Variants in MB21D2 observed in about 807,000 individuals in gnomAD.
The protein encoded by MB21D2 is nucleotidyltransferase MB21D2.
In MB21D2, 9 loss-of-function variants were observed where a neutral mutation model predicts 33.3. That is an observed-to-expected ratio of 0.27 (90% CI 0.16 to 0.47). The LOEUF is 0.47. Among genes scored for constraint, MB21D2 ranks in the 20% least tolerant of loss-of-function variants. The probability of loss-of-function intolerance (pLI) is 0.99; values close to 1 mark genes in which losing one functional copy is unlikely to be tolerated. For synonymous variants in MB21D2, 241 were observed against 236.3 expected (o/e 1.02, Z -0.18); for missense variants, 540 against 624.6 (o/e 0.86, Z 1.44).
intron 1 of MB21D2, among the ~76,000 whole-genome samples, chr3:192,847,042 G>A (rs569492305): frequency 3.3e-5 from 5 of 152,278 alleles, no homozygotes; most frequent in East Asian, 1.9e-4. Flanking sequence ...ATCACCATAG[G>A]GAAGCAGAGG....
At position 192,798,605 on chromosome 3, in the gene MB21D2, C is replaced by G. The variant is rs1720573853; in HGVS notation, c.1257G>C (p.Lys419Asn). The change falls in exon 2 of 2, where the codon AAG (lysine) becomes AAC (asparagine). Residue 419 changes from lysine (K) to asparagine (N), a missense_variant. Coordinates refer to ENST00000392452, the MANE Select transcript of MB21D2 (RefSeq NM_178496.4). The surrounding 1 kb of genome is among the most constrained non-coding windows in gnomAD (Gnocchi z 4.8). ...EHLRTAIEHV[K>N]AANRLTLELQ... ...GCTCCAGTGTCAGCCGGTTGGCTGC[C>G]TTGACATGCTCAATGGCGGTGCGCA... 2 of 1,613,972 alleles carry G rather than the reference C, an allele frequency of 1.2e-6. No individual in the cohort carries two copies. The highest frequency in any genetic ancestry group is 1.7e-6 in the Non-Finnish European group (2 of 1,180,034).
chr3:192,912,684 GAAAAAAGA>G (rs1385684769), intron 1 of MB21D2, among the ~76,000 whole-genome samples: 1 of 151,482 alleles, frequency 6.6e-6, no homozygotes, highest in Non-Finnish European at 1.5e-5. Context: ...AAAAAAAAAA[GAAAAAAGA>G]AAAAAAGAAA....
intron 1 of MB21D2, among the ~76,000 whole-genome samples, chr3:192,893,298 T>C (rs979293681): frequency 5.3e-5 from 8 of 152,208 alleles, no homozygotes; most frequent in African/African-American, 1.9e-4. Flanking sequence ...TTCCTTGAAA[T>C]ATAAATCACT....
At chr3:192,861,576 G>T (rs918365297) in intron 1 of MB21D2, among the ~76,000 whole-genome samples, 6 of 152,224 alleles carry the variant, frequency 3.9e-5, no homozygotes, top group Non-Finnish European at 7.3e-5. Context: ...GGAGGCCAAG[G>T]CGGGTGAATC....
At position 192,799,643 on chromosome 3, in the gene MB21D2, C is replaced by T. The variant is rs1243171711; in HGVS notation, c.219G>A (p.Val73=). ...KDFIFSMLGM[V]QKLDQKLPVA... ...CTGGAAGCTTTTGGTCCAGCTTTTG[C>T]ACCATTCCTGGAAATAAAGAAGAAA... The change falls in exon 2 of 2, where the codon GTG becomes GTA. Residue 73 remains valine (V), a synonymous_variant. Coordinates refer to ENST00000392452, the MANE Select transcript of MB21D2 (RefSeq NM_178496.4). This position sits in a 1 kb window ranked among gnomAD's most constrained non-coding sequence, Gnocchi z 4.1. The T allele has an allele frequency of 1.3e-5, 21 of 1,611,186 alleles. No homozygotes were observed. The highest frequency in any genetic ancestry group is 1.7e-5 in the Non-Finnish European group (20 of 1,178,732).
Position 192,901,413 on chromosome 3 carries a change from C to CAAAAA in MB21D2, c.211+16212_211+16216dup, listed in dbSNP as rs71635401. Among the ~76,000 whole-genome samples, 68 of 100,840 alleles carry CAAAAA rather than the reference C, an allele frequency of 6.7e-4. 1 individual carries two copies. Among genetic ancestry groups the CAAAAA allele is most frequent in the African/African-American group, 9.1e-4 (24 of 26,392 alleles). 66.2% of individuals were successfully genotyped at this position (100,840 alleles called of 152,430 possible). A position where few individuals can be genotyped will look rare whatever the true frequency, so the allele number is the denominator to read the frequency against. ...TGAAACCCCGTCTCTACTAAAAATT[C>CAAAAA]AAAAAAAAAAAAAAAAAAAAAGACT... On this transcript the variant is annotated intron_variant, in intron 1 of 1. Transcript: ENST00000392452.
chr3:192,876,086 A>G (rs564633464), intron 1 of MB21D2, among the ~76,000 whole-genome samples: 2 of 152,270 alleles, frequency 1.3e-5, no homozygotes, highest in East Asian at 3.9e-4. Flanking sequence ...CACAGTTCTG[A>G]CACTTTTATG....
At chr3:192,802,279 T>A (rs1268855572) in intron 1 of MB21D2, among the ~76,000 whole-genome samples, 2 of 152,178 alleles carry the variant, frequency 1.3e-5, no homozygotes, top group South Asian at 2.1e-4. Context: ...ATGATGCGCC[T>A]GCAGGGAAGC....
At chr3:192,829,860 G>A (rs913715912) in intron 1 of MB21D2, among the ~76,000 whole-genome samples, 1 of 152,020 alleles carries the variant, frequency 6.6e-6, no homozygotes, top group Non-Finnish European at 1.5e-5. Flanking sequence ...CTGTGTAGCC[G>A]GGACCACAGG....
At chr3:192,804,092 T>A (rs1164640449) in intron 1 of MB21D2, among the ~76,000 whole-genome samples, 1 of 152,186 alleles carries the variant, frequency 6.6e-6, no homozygotes, top group African/African-American at 2.4e-5. Flanking sequence ...CCCTTTTATA[T>A]AGATACTCAG....
rs115890422 is a variant in MB21D2, at chr3:192,910,120, T to G, written c.211+7510A>C. On this transcript the variant is annotated intron_variant, in intron 1 of 1. Transcript: ENST00000392452. ...CTCAGAAGATGGCAAATAAGGTAGG[T>G]AAAATCCTCGGAGGTCACCAATGTG... Among the ~76,000 whole-genome samples, 741 of 151,026 alleles carry G rather than the reference T, an allele frequency of 4.9e-3. 4 individuals are homozygous for G. Among genetic ancestry groups the G allele is most frequent in the African/African-American group, 0.017 (703 of 41,154 alleles).
At chr3:192,900,415 G>A (rs78464701) in intron 1 of MB21D2, among the ~76,000 whole-genome samples, 1,718 of 152,084 alleles carry the variant, frequency 0.011, 31 homozygotes, top group African/African-American at 0.039. Context: ...AAAAGAATAC[G>A]TTGTCATGAA....
intron 1 of MB21D2, among the ~76,000 whole-genome samples, chr3:192,902,845 G>A (rs1328655458): frequency 6.6e-6 from 1 of 152,164 alleles, no homozygotes; most frequent in African/African-American, 2.4e-5. Context: ...AGTCCAGCCC[G>A]CCAGCCTTGA....
chr3:192,873,279 C>T (rs773481353), intron 1 of MB21D2, among the ~76,000 whole-genome samples: 1 of 152,134 alleles, frequency 6.6e-6, no homozygotes, highest in Non-Finnish European at 1.5e-5. Context: ...TTCCTATATT[C>T]CAAGGAGCAT....
intron 1 of MB21D2, among the ~76,000 whole-genome samples, chr3:192,885,722 G>A (rs974774737): frequency 2.0e-5 from 3 of 152,066 alleles, no homozygotes; most frequent in Admixed American, 1.3e-4. Context: ...AGGGCCACAA[G>A]GCCACAGCAA....
At chr3:192,895,392 T>C (rs997659194) in intron 1 of MB21D2, among the ~76,000 whole-genome samples, 2 of 152,166 alleles carry the variant, frequency 1.3e-5, no homozygotes, top group Non-Finnish European at 2.9e-5. Flanking sequence ...ATTACTAATA[T>C]AAGCATCCGT....
chr3:192,806,529 G>A (rs975688376), intron 1 of MB21D2, among the ~76,000 whole-genome samples: 3 of 152,242 alleles, frequency 2.0e-5, no homozygotes, highest in Admixed American at 6.5e-5. Context: ...ACGAAAAGGC[G>A]TCACAAATGA....
At chr3:192,820,812 T>G (rs545433192) in intron 1 of MB21D2, among the ~76,000 whole-genome samples, 97 of 152,310 alleles carry the variant, frequency 6.4e-4, no homozygotes, top group African/African-American at 2.3e-3. Context: ...TCACCCAGGC[T>G]GAAATGCAAC....
At chr3:192,884,691 T>C (rs1164790356) in intron 1 of MB21D2, among the ~76,000 whole-genome samples, 1 of 152,092 alleles carries the variant, frequency 6.6e-6, no homozygotes, top group Admixed American at 6.5e-5. Context: ...TGTTCCATCC[T>C]GATCAAAGTC....
Sources: gnomAD v4.1 joint callset for allele counts (sites outside exome capture counted in the v4.1 genomes callset) on GRCh38, gnomAD v4.1.1 for gene constraint, Gnocchi (gnomAD v3.1) non-coding constraint, MANE v1.5 for transcripts, NCBI Gene and HGNC (gene_info 2026-07-23, HGNC 2026-07-21) for gene names.